The following CHKA variants were observed in gnomAD, a reference collection of about 807,000 sequenced individuals.
CHKA encodes the protein choline kinase alpha.
Under a neutral mutation model 60.1 loss-of-function variants are expected in CHKA, and 34 were observed. That is an observed-to-expected ratio of 0.57 (90% CI 0.43 to 0.75). The LOEUF (loss-of-function observed/expected upper bound fraction) is 0.75. CHKA is among the 30% of genes least tolerant of loss of function. CHKA has a pLI of 0.00. For missense variants in CHKA, 563 were observed against 561.3 expected, an observed-to-expected ratio of 1.00 and a Z score of -0.03; for synonymous variants, 217 against 223.1, an observed-to-expected ratio of 0.97 and a Z score of 0.24.
In CHKA at chr11:68,121,275, G is replaced by C; in HGVS notation, c.-98C>G. The C allele has an allele frequency of 1.0e-6, 1 of 996,196 alleles. No homozygotes were observed. Among genetic ancestry groups the C allele is most frequent in the Non-Finnish European group, 1.2e-6 (1 of 824,312 alleles). 61.7% of individuals were successfully genotyped at this position (996,196 alleles called of 1,614,324 possible). A position where few individuals can be genotyped will look rare whatever the true frequency, so the allele number is the denominator to read the frequency against. On this transcript the variant is annotated 5_prime_UTR_variant, in exon 1 of 12. Coordinates refer to ENST00000265689, the MANE Select transcript of CHKA (RefSeq NM_001277.3). ...CCCCTCGCCGCTCTCTCACTGGCAG[G>C]CCGGCGGGGCAGGGGGCCGCGGCGG... is the stretch of plus-strand genomic sequence containing the variant.
intron 1 of CHKA, among the ~76,000 whole-genome samples, chr11:68,116,758 C>T (rs530187734): frequency 2.0e-5 from 3 of 151,754 alleles, no homozygotes; most frequent in African/African-American, 7.2e-5. Context: ...TAATAACATA[C>T]TATTGATTTG....
At chr11:68,105,485 A>T (rs866333468) in intron 1 of CHKA, among the ~76,000 whole-genome samples, 10 of 127,916 alleles carry the variant, frequency 7.8e-5, no homozygotes, top group Non-Finnish European at 1.6e-4. Flanking sequence ...ACTGTACTCC[A>T]GCCTGGGCAG....
chr11:68,074,167 A>G (rs1389046838), intron 4 of CHKA, among the ~76,000 whole-genome samples: 3 of 152,208 alleles, frequency 2.0e-5, no homozygotes, highest in Non-Finnish European at 4.4e-5. Context: ...CCTTGGGACA[A>G]TAAGAAAGGG....
In CHKA at chr11:68,070,205, C is replaced by T. The variant is rs780022198; in HGVS notation, c.853G>A (p.Glu285Lys). 6.2e-7 allele frequency: 1 copy of T among 1,613,086 alleles called. No homozygotes were observed. The highest frequency in any genetic ancestry group is 8.5e-7 in the Non-Finnish European group (1 of 1,179,178). Residue 285 changes from glutamate (E) to lysine (K), a missense_variant, in exon 6 of 12, where the codon GAA becomes AAA. Physicochemically the swap from Glu to Lys is moderately conservative, Grantham distance 56. Coordinates refer to ENST00000265689, the MANE Select transcript of CHKA (RefSeq NM_001277.3). ...HKLLSYNLPL[E>K]LENLRSLLES... ...AAAACTCACCTCAGGTTTTCCAGTT[C>T]CAAGGGCAGATTGTAACTGAGCAAT...
At position 68,053,922 on chromosome 11, in the gene CHKA, AG is replaced by A. The variant is rs1855895913; in HGVS notation, c.*65del. ...CACAGGAGCAGTAGTCGAAGCACAG[AG>A]GGGACCCCGCTCTGCTGCCTCCCCA... On this transcript the variant is annotated 3_prime_UTR_variant, in exon 12 of 12. Transcript: ENST00000265689. 5.0e-6 allele frequency: 7 copies of A among 1,410,906 alleles called. No homozygotes were observed. In the Admixed American group the frequency reaches 1.0e-4, roughly 21 times the overall value. 87.4% of individuals were successfully genotyped at this position (1,410,906 alleles called of 1,614,324 possible).
In CHKA at chr11:68,053,751, T is replaced by A; in HGVS notation, c.*237A>T. 4.2e-6 allele frequency: 2 copies of A among 474,710 alleles called. No individual in the cohort carries two copies. Among genetic ancestry groups the A allele is most frequent in the South Asian group, 6.3e-5 (2 of 31,656 alleles). 29.4% of individuals were successfully genotyped at this position (474,710 alleles called of 1,614,324 possible). On this transcript the variant is annotated 3_prime_UTR_variant, in exon 12 of 12. Coordinates refer to ENST00000265689, the MANE Select transcript of CHKA (RefSeq NM_001277.3). ...TTAAAAGGATTCAGAGATGTTGCAC[T>A]ATTGCACTATATTTCTGCTTCCCGA... is the stretch of plus-strand genomic sequence containing the variant.
intron 1 of CHKA, 65 bp downstream of exon 1, chr11:68,120,763 C>G: frequency 1.4e-6 from 1 of 723,816 alleles, no homozygotes; most frequent in Non-Finnish European, 1.8e-6. Context: ...CCTGCCCGGA[C>G]CCCGCCCCGG....
At chr11:68,103,590 G>A (rs1857803802) in intron 1 of CHKA, among the ~76,000 whole-genome samples, 1 of 151,844 alleles carries the variant, frequency 6.6e-6, no homozygotes, top group Non-Finnish European at 1.5e-5. Flanking sequence ...TTAAGATCCA[G>A]CTCCTGCTCA....
At chr11:68,071,025 C>A (rs1421447373) in intron 4 of CHKA, among the ~76,000 whole-genome samples, 168 bp from the exon 5 acceptor site, 2 of 152,206 alleles carry the variant, frequency 1.3e-5, no homozygotes, top group East Asian at 3.8e-4. Context: ...AGTGACCCAG[C>A]AATTGCTATG....
chr11:68,079,238 C>G (rs1032324395), intron 3 of CHKA, among the ~76,000 whole-genome samples: 3 of 151,924 alleles, frequency 2.0e-5, no homozygotes, highest in African/African-American at 7.3e-5. Flanking sequence ...ATTGCATCAA[C>G]GTTAATGTCC....
In CHKA at chr11:68,074,718, G is replaced by A. The variant is rs201271073; in HGVS notation, c.629C>T (p.Pro210Leu). 229 of 1,613,894 alleles carry A rather than the reference G, an allele frequency of 1.4e-4. No individual in the cohort carries two copies. Among genetic ancestry groups the A allele is most frequent in the Admixed American group, 5.0e-4 (30 of 60,012 alleles). The change falls in exon 4 of 12, where the codon CCG becomes CTG. Residue 210 changes from proline (P) to leucine (L), a missense_variant and splice_region_variant. Physicochemically the swap from Pro to Leu is moderately conservative, Grantham distance 98 (BLOSUM62 -3). Transcript: ENST00000265689. Reference sequence around the variant, plus strand: ...TAAGCGTTTATGAACAAATCTTACCGGGATGAACTGCTCCAGTCGGCCTTG... The same window carrying A: ...TAAGCGTTTATGAACAAATCTTACCAGGATGAACTGCTCCAGTCGGCCTTG... The part of the protein sequence containing the change: ...FPQGRLEQFI[P>L]SRRLDTEELS...
chr11:68,087,421 G>A (rs1297492785), intron 2 of CHKA, among the ~76,000 whole-genome samples: 6 of 152,068 alleles, frequency 3.9e-5, no homozygotes, highest in Non-Finnish European at 8.8e-5. Context: ...GGCAGAGATT[G>A]TAGTGAGCCA....
intron 1 of CHKA, among the ~76,000 whole-genome samples, chr11:68,115,125 ACTTT>A (rs1266865238): frequency 9.8e-5 from 15 of 152,334 alleles, no homozygotes; most frequent in Admixed American, 9.2e-4. Context: ...ATAAAAACAG[ACTTT>A]CTGTTAGATT....
chr11:68,111,779 A>C (rs11535788), intron 1 of CHKA, among the ~76,000 whole-genome samples: 86,759 of 151,500 alleles, frequency 0.57, 24,938 homozygotes, highest in Middle Eastern at 0.7. Context: ...ACATGCCCGG[A>C]GCGGTAGCTC....
intron 11 of CHKA, among the ~76,000 whole-genome samples, chr11:68,055,091 C>T (rs191064704): frequency 2.2e-3 from 337 of 152,218 alleles, no homozygotes; most frequent in Non-Finnish European, 3.8e-3. Context: ...CAGTTTGGGA[C>T]GATTATAAAT....
chr11:68,072,429 C>T (rs1039040653), intron 4 of CHKA, among the ~76,000 whole-genome samples: 2 of 151,870 alleles, frequency 1.3e-5, no homozygotes, highest in Non-Finnish European at 2.9e-5. Flanking sequence ...TGCCTGTAGT[C>T]CCAGCTACTC....
At chr11:68,117,611 CA>C (rs1858441358) in intron 1 of CHKA, among the ~76,000 whole-genome samples, 1 of 151,806 alleles carries the variant, frequency 6.6e-6, no homozygotes, top group South Asian at 2.1e-4. Context: ...CGCTCGAACC[CA>C]GGAGGCAGAA....
chr11:68,095,142 T>G (rs1265377625), intron 2 of CHKA, among the ~76,000 whole-genome samples: 1 of 149,588 alleles, frequency 6.7e-6, no homozygotes, highest in African/African-American at 2.5e-5. Flanking sequence ...CGGTGGCTCA[T>G]GCCTGTAATC....
chr11:68,085,598 T>C (rs534666263), intron 2 of CHKA, among the ~76,000 whole-genome samples: 3 of 152,268 alleles, frequency 2.0e-5, no homozygotes, highest in East Asian at 3.9e-4. Flanking sequence ...ATATTAGCTA[T>C]GGAGTAAAAT....
Sources: gnomAD v4.1 joint callset for allele counts (sites outside exome capture counted in the v4.1 genomes callset) on GRCh38, gnomAD v4.1.1 for gene constraint, MANE v1.5 for transcripts, NCBI Gene and HGNC (gene_info 2026-07-23, HGNC 2026-07-21) for gene names.